The following HMG20A variants were observed in gnomAD, a reference collection of about 807,000 sequenced individuals.
HMG20A encodes the protein high mobility group protein 20A.
In HMG20A, 17 loss-of-function variants were observed where a neutral mutation model predicts 43.9. The ratio of observed to expected loss-of-function variants is 0.39; its 90% CI spans 0.27 to 0.58. HMG20A has a LOEUF of 0.58. Ranked by LOEUF, HMG20A falls within the 20% of genes least tolerant of loss-of-function variation. HMG20A has a pLI of 0.59. For synonymous variants in HMG20A, 132 were observed against 147.5 expected (o/e 0.89, Z 0.76); for missense variants, 341 against 438.2 (o/e 0.78, Z 1.98).
At chr15:77,514,082 C>T in the HMG20A span, among the ~76,000 whole-genome samples, 17 of 152,182 alleles carry the variant, frequency 1.1e-4, no homozygotes, top group African/African-American at 4.1e-4. Flanking sequence ...GGTCCTGTCT[C>T]CAAATACAGA....
chr15:77,441,663 T>C (rs187448737), intron 1 of HMG20A, among the ~76,000 whole-genome samples: 2 of 152,308 alleles, frequency 1.3e-5, no homozygotes, highest in Non-Finnish European at 2.9e-5. Flanking sequence ...TTATGCAGCA[T>C]ATCATCCTTT....
At chr15:77,426,450 T>C (rs1465877086) in intron 1 of HMG20A, among the ~76,000 whole-genome samples, 1 of 152,124 alleles carries the variant, frequency 6.6e-6, no homozygotes, top group Non-Finnish European at 1.5e-5. Context: ...AAGAAAATGA[T>C]AAGGAAGAAA....
At chr15:77,462,772 C>CTTTTTTTTTTT (rs71145836) in intron 2 of HMG20A, among the ~76,000 whole-genome samples, 18 of 127,776 alleles carry the variant, frequency 1.4e-4, no homozygotes, top group East Asian at 4.4e-4. Flanking sequence ...TTTTCTTTTT[C>CTTTTTTTTTTT]TTTTTTTTTT....
intron 3 of HMG20A, among the ~76,000 whole-genome samples, chr15:77,466,555 T>C (rs529180177): frequency 5.0e-4 from 76 of 152,326 alleles, no homozygotes; most frequent in Middle Eastern, 3.4e-3. Context: ...AATAAGCTAG[T>C]CTTTGAAAGT....
chr15:77,495,955 C>G, the HMG20A span, among the ~76,000 whole-genome samples: 9 of 152,308 alleles, frequency 5.9e-5, no homozygotes, highest in East Asian at 1.5e-3. Context: ...GCCTCACGTC[C>G]TGAACCTCGC....
At chr15:77,443,362 A>AT (rs1409283197) in intron 1 of HMG20A, among the ~76,000 whole-genome samples, 1 of 118,158 alleles carries the variant, frequency 8.5e-6, no homozygotes, top group African/African-American at 2.9e-5. Context: ...TATGATGATG[A>AT]TGATGATGAT....
At chr15:77,424,714 T>A (rs75506296) in intron 1 of HMG20A, among the ~76,000 whole-genome samples, 2 of 152,196 alleles carry the variant, frequency 1.3e-5, no homozygotes, top group African/African-American at 4.8e-5. Flanking sequence ...CAAGATTTAA[T>A]TTTTTTTCCT....
chr15:77,440,996 T>C (rs2073606834), intron 1 of HMG20A, among the ~76,000 whole-genome samples: 1 of 152,170 alleles, frequency 6.6e-6, no homozygotes, highest in African/African-American at 2.4e-5. Context: ...TAGTGCCTGG[T>C]ACTTAGTAAG....
At chr15:77,476,562 A>G (rs561881717) in intron 6 of HMG20A, among the ~76,000 whole-genome samples, 8 of 151,754 alleles carry the variant, frequency 5.3e-5, no homozygotes, top group Admixed American at 4.6e-4. Flanking sequence ...GCTTTAAACA[A>G]TTGTTTATAG....
chr15:77,487,466 TC>T (rs879423787), downstream of HMG20A, among the ~76,000 whole-genome samples: 4 of 152,166 alleles, frequency 2.6e-5, no homozygotes, highest in Non-Finnish European at 4.4e-5. Context: ...GATACTTTTT[TC>T]CCCCGGAGAG....
intron 1 of HMG20A, among the ~76,000 whole-genome samples, chr15:77,448,240 T>C (rs1043518813): frequency 6.6e-6 from 1 of 152,216 alleles, no homozygotes; most frequent in Non-Finnish European, 1.5e-5. Flanking sequence ...AGAATGATCC[T>C]ATAAACTTGT....
At chr15:77,515,590 T>C in the HMG20A span, among the ~76,000 whole-genome samples, 2 of 151,996 alleles carry the variant, frequency 1.3e-5, no homozygotes, top group Non-Finnish European at 2.9e-5. Flanking sequence ...ATGCCTCGCC[T>C]GAAAACTGCT....
intron 1 of HMG20A, among the ~76,000 whole-genome samples, chr15:77,427,065 G>A (rs770415175): frequency 1.8e-4 from 27 of 152,022 alleles, no homozygotes; most frequent in African/African-American, 5.6e-4. Flanking sequence ...TCTGTGTTAC[G>A]GTCAGCTGAG....
chr15:77,461,513 A>T (rs2072704944), intron 2 of HMG20A, among the ~76,000 whole-genome samples: 1 of 152,200 alleles, frequency 6.6e-6, no homozygotes, highest in South Asian at 2.1e-4. Flanking sequence ...AGGGTGTGAG[A>T]TCAAGGGTGC....
chr15:77,460,802 A>G (rs1178550860), intron 2 of HMG20A, among the ~76,000 whole-genome samples: 1 of 152,174 alleles, frequency 6.6e-6, no homozygotes, highest in African/African-American at 2.4e-5. Flanking sequence ...CCTGGCCAAC[A>G]TGGTGAAACC....
At chr15:77,469,626 C>G (rs866421347) in intron 4 of HMG20A, among the ~76,000 whole-genome samples, 6 of 152,108 alleles carry the variant, frequency 3.9e-5, no homozygotes, top group Admixed American at 6.6e-5. Context: ...TATGAGCCAC[C>G]ATGCCCGACC....
the HMG20A span, among the ~76,000 whole-genome samples, chr15:77,495,334 G>A: frequency 6.6e-6 from 1 of 152,134 alleles, no homozygotes; most frequent in Admixed American, 6.5e-5. Context: ...GATCACTTGA[G>A]GTCAGGCGTT....
Position 77,446,339 on chromosome 15 carries a change from G to GT in HMG20A, c.-4-12065_-4-12064insT, listed in dbSNP as rs556187685. ...ACTGTAAAATAATAAGTGTTGTTGG[G>GT]ATTTTTAAATCTTATTTACCTCTGT... On this transcript the variant is annotated intron_variant, in intron 1 of 9. Coordinates refer to ENST00000336216, the MANE Select transcript of HMG20A (RefSeq NM_001304504.2). 4.3e-3 allele frequency among the ~76,000 whole-genome samples: 658 copies of GT among 151,598 alleles called. 6 individuals are homozygous for GT. Among genetic ancestry groups the GT allele is most frequent in the African/African-American group, 0.015 (623 of 41,230 alleles).
At chr15:77,459,338 C>G (rs2072684772) in intron 2 of HMG20A, among the ~76,000 whole-genome samples, 1 of 152,146 alleles carries the variant, frequency 6.6e-6, no homozygotes, top group South Asian at 2.1e-4. Context: ...TGCTATGTGT[C>G]ATTGTTCCAG....
Sources: gnomAD v4.1 joint callset for allele counts (sites outside exome capture counted in the v4.1 genomes callset) on GRCh38, gnomAD v4.1.1 for gene constraint, MANE v1.5 for transcripts, NCBI Gene and HGNC (gene_info 2026-07-23, HGNC 2026-07-21) for gene names.